The following DCLRE1C variants were observed in gnomAD, a reference collection of about 807,000 sequenced individuals.
The protein encoded by DCLRE1C is DNA cross-link repair 1C.
DCLRE1C carries 47 observed loss-of-function variants against 61.4 expected under a neutral mutation model. The observed-to-expected ratio is 0.77, with a 90% confidence interval of 0.61 to 0.98. The LOEUF (loss-of-function observed/expected upper bound fraction) is 0.98. DCLRE1C is among the 50% of genes least tolerant of loss of function. DCLRE1C has a pLI of 0.00. For synonymous variants in DCLRE1C, 337 were observed against 287.6 expected, an observed-to-expected ratio of 1.17 and a Z score of -1.74; for missense variants, 858 against 816.0, an observed-to-expected ratio of 1.05 and a Z score of -0.63.
intron 13 of DCLRE1C, among the ~76,000 whole-genome samples, chr10:14,914,107 A>G (rs1365953566): frequency 6.6e-6 from 1 of 152,236 alleles, no homozygotes; most frequent in East Asian, 1.9e-4. Flanking sequence ...AAGCCAGAAA[A>G]TACCAGGTTG....
At chr10:14,934,857 T>C in intron 6 of DCLRE1C, 82 bp from the exon 7 acceptor site, 2 of 989,716 alleles carry the variant, frequency 2.0e-6, no homozygotes, top group Non-Finnish European at 3.2e-6. Flanking sequence ...AGATGGAGTT[T>C]CGCTCTGTTG....
At chr10:14,901,859 A>G (rs1834047021), downstream of DCLRE1C, among the ~76,000 whole-genome samples, 1 of 152,102 alleles carries the variant, frequency 6.6e-6, no homozygotes, top group Non-Finnish European at 1.5e-5. Flanking sequence ...ACATTTTTGA[A>G]TTTTTACTGA....
intron 12 of DCLRE1C, among the ~76,000 whole-genome samples, chr10:14,920,598 CT>C (rs778943910): frequency 2.6e-5 from 4 of 152,158 alleles, no homozygotes; most frequent in Non-Finnish European, 4.4e-5. Flanking sequence ...TACTGTGTCT[CT>C]TTACATCATT....
At chr10:14,938,230 G>C (rs1319333789) in intron 4 of DCLRE1C, among the ~76,000 whole-genome samples, 10 of 152,202 alleles carry the variant, frequency 6.6e-5, no homozygotes, top group Admixed American at 3.9e-4. Flanking sequence ...TCGGCCCCCA[G>C]TTCAGGGAAT....
intron 3 of DCLRE1C, 85 bp from the exon 4 acceptor site, chr10:14,939,954 CAA>C: frequency 9.6e-7 from 1 of 1,045,900 alleles, no homozygotes; most frequent in Non-Finnish European, 1.4e-6. Flanking sequence ...AGAAATGGGG[CAA>C]AGAGAAGTTT....
downstream of DCLRE1C, among the ~76,000 whole-genome samples, chr10:14,901,968 T>C (rs1462139944): frequency 6.6e-6 from 1 of 152,250 alleles, no homozygotes; most frequent in East Asian, 1.9e-4. Flanking sequence ...TAATTCTATT[T>C]GCTTTATTGT....
chr10:14,939,771 A>G (rs756206730), intron 4 of DCLRE1C, 39 bp downstream of exon 4: 264 of 1,510,736 alleles, frequency 1.7e-4, no homozygotes, highest in East Asian at 2.8e-4. Flanking sequence ...TTTTAGCACC[A>G]CATTTTTTTA....
At chr10:14,920,806 A>T (rs1471222945) in intron 12 of DCLRE1C, among the ~76,000 whole-genome samples, 1 of 151,842 alleles carries the variant, frequency 6.6e-6, no homozygotes, top group Admixed American at 6.6e-5. Context: ...ACATGGTAAG[A>T]CCCCGTCTCT....
chr10:14,930,645 C>A (rs1838836544), intron 9 of DCLRE1C, among the ~76,000 whole-genome samples: 2 of 151,946 alleles, frequency 1.3e-5, no homozygotes, highest in African/African-American at 4.8e-5. Flanking sequence ...ACTGAGCAGA[C>A]TGGTTTCGAA....
chr10:14,901,396 C>T, downstream of DCLRE1C: 1 of 1,193,430 alleles, frequency 8.4e-7, no homozygotes, highest in African/African-American at 1.5e-5. Context: ...GTTTGTCATC[C>T]TAAGGTACAA....
At chr10:14,933,408 C>T (rs1839348298) in intron 8 of DCLRE1C, among the ~76,000 whole-genome samples, 1 of 152,108 alleles carries the variant, frequency 6.6e-6, no homozygotes, top group Non-Finnish European at 1.5e-5. Flanking sequence ...AGGCGGAGGC[C>T]GGTGGATCAC....
chr10:14,902,684 T>A, downstream of DCLRE1C: 1 of 508,712 alleles, frequency 2.0e-6, no homozygotes, highest in South Asian at 2.7e-5. Context: ...AGGGGGTCAC[T>A]GGGTCTCATA....
intron 7 of DCLRE1C, 90 bp from the exon 8 acceptor site, chr10:14,934,610 G>A (rs993266155): frequency 6.2e-7 from 1 of 1,611,654 alleles, no homozygotes; most frequent in African/African-American, 1.3e-5. Flanking sequence ...ACACCTACGG[G>A]GACAGTTAGG....
Position 14,932,916 on chromosome 10 carries a change from C to A in DCLRE1C, c.718G>T (p.Glu240Ter), listed in dbSNP as rs1294622798. 3.1e-6 allele frequency: 5 copies of A among 1,614,086 alleles called. No individual in the cohort carries two copies. In the African/African-American group the frequency reaches 6.7e-5, roughly 22 times the overall value. The change falls in exon 9 of 14, where the codon GAG (glutamate) becomes TAG (stop). Residue 240 changes from glutamate to a stop codon, truncating the protein, a stop_gained. Transcript: ENST00000378278. LOFTEE classifies it high-confidence loss of function. Reference protein sequence around the residue: ...NKLDMFRNMPEILHHLTTDRN... With the variant: ...NKLDMFRNMP ...TCTGTTGTGAGATGATGAAGGATCT[C>A]AGGCATGTTCCTAAACATGTCTAGC...
chr10:14,897,601 T>G, exon 14 of DCLRE1C: 1 of 1,150,934 alleles, frequency 8.7e-7, no homozygotes, highest in Non-Finnish European at 1.1e-6. Context: ...CTTTAAGAGA[T>G]ACTTGGTACA....
chr10:14,949,171 G>C, intron 1 of DCLRE1C, 84 bp from the exon 2 acceptor site: 1 of 944,352 alleles, frequency 1.1e-6, no homozygotes, highest in Non-Finnish European at 1.7e-6. Flanking sequence ...TTCTTTTTCA[G>C]CTTCAAGAGA....
chr10:14,947,757 G>A (rs1819480945), intron 2 of DCLRE1C: 1 of 152,202 alleles, frequency 6.6e-6, no homozygotes, highest in Non-Finnish European at 1.5e-5. Context: ...CATGTCACAG[G>A]TGACCAAAAA....
intron 4 of DCLRE1C, among the ~76,000 whole-genome samples, chr10:14,938,196 G>T (rs1175575659): frequency 6.6e-6 from 1 of 152,174 alleles, no homozygotes; most frequent in Non-Finnish European, 1.5e-5. Context: ...GTGGTGGCAG[G>T]ACTGCTCAAA....
At chr10:14,928,965 T>C (rs539365544) in intron 9 of DCLRE1C, among the ~76,000 whole-genome samples, 5 of 152,150 alleles carry the variant, frequency 3.3e-5, no homozygotes, top group Non-Finnish European at 7.4e-5. Flanking sequence ...CTATTTTTAG[T>C]TACAGGATTT....
Sources: allele counts gnomAD v4.1 joint callset (sites outside exome capture counted in the v4.1 genomes callset), GRCh38; gene constraint gnomAD v4.1.1; transcripts MANE v1.5; gene names NCBI Gene and HGNC (gene_info 2026-07-23, HGNC 2026-07-21).